CSNK1A1: variants seen among roughly 807,000 people sequenced by gnomAD.
The protein encoded by CSNK1A1 is casein kinase 1 alpha 1, also known as casein kinase I isoform alpha.
A neutral mutation model predicts 46.1 loss-of-function variants in CSNK1A1; 7 were observed. The observed-to-expected ratio is 0.15, with a 90% CI of 0.09 to 0.29. The LOEUF (loss-of-function observed/expected upper bound fraction) is 0.29, where lower values mean the gene tolerates loss of function less well. Among genes scored for constraint, CSNK1A1 ranks in the 10% least tolerant of loss-of-function variants. The pLI, the probability that CSNK1A1 is intolerant of heterozygous loss-of-function variation, is 1.00. For missense variants in CSNK1A1, 96 were observed against 417.1 expected (o/e 0.23, Z 6.71); for synonymous variants, 137 against 141.5 (o/e 0.97, Z 0.23).
chr5:149,502,168 A>G, intron 9 of CSNK1A1: 1 of 954,982 alleles, frequency 1.0e-6, no homozygotes, highest in Non-Finnish European at 1.2e-6. Flanking sequence ...TACTGAAGAA[A>G]TATCAGATAT....
At chr5:149,503,056 G>A in intron 9 of CSNK1A1, 1 of 984,852 alleles carries the variant, frequency 1.0e-6, no homozygotes, top group East Asian at 1.1e-4. Flanking sequence ...GTGAGCCACT[G>A]CACCCAGCTG....
In CSNK1A1 at chr5:149,495,744, T is replaced by TAAAAAAAAAAAA. The variant is rs149346325; in HGVS notation, c.*1097_*1108dup. ...TACTAGATATTGTGCCTGCAAGTCA[T>TAAAAAAAAAAAA]AAAAAAAAAAAAAAAAAAAGAAAAA... On this transcript the variant is annotated 3_prime_UTR_variant, in exon 10 of 10. Coordinates refer to ENST00000377843, the MANE Select transcript of CSNK1A1 (RefSeq NM_001892.6). The TAAAAAAAAAAAA allele has an allele frequency of 2.2e-5, 2 of 92,762 alleles. No homozygotes were observed. The highest frequency in any genetic ancestry group is 4.4e-5 in the Non-Finnish European group (2 of 45,086). The allele number at this position is 92,762 out of a possible 1,614,324, so 5.7% of individuals were successfully genotyped here. A position where few individuals can be genotyped will look rare whatever the true frequency, so the allele number is the denominator to read the frequency against.
At chr5:149,549,418 A>G in intron 2 of CSNK1A1, 1 of 700,112 alleles carries the variant, frequency 1.4e-6, no homozygotes, top group East Asian at 2.7e-5. Flanking sequence ...CAGAGATCAC[A>G]AACACTGTCA....
At chr5:149,526,187 G>A (rs958946380) in intron 2 of CSNK1A1, among the ~76,000 whole-genome samples, 5 of 152,020 alleles carry the variant, frequency 3.3e-5, no homozygotes, top group Non-Finnish European at 5.9e-5. Context: ...TTGCCAGGCT[G>A]GGGTGCAGTG....
intron 2 of CSNK1A1, among the ~76,000 whole-genome samples, chr5:149,529,011 C>T (rs965232918): frequency 1.3e-5 from 2 of 152,010 alleles, no homozygotes; most frequent in African/African-American, 4.8e-5. Flanking sequence ...ACTAAGTGTA[C>T]AGTGGTAAAG....
At position 149,498,923 on chromosome 5, in the gene CSNK1A1, TG is replaced by T. The variant is rs547264147; in HGVS notation, c.1007-2064del. The T allele has an allele frequency of 1.5e-3, 1,498 of 985,406 alleles. 1 individual carries two copies. Among genetic ancestry groups the T allele is most frequent in the Non-Finnish European group, 1.7e-3 (1,401 of 829,910 alleles). 61.0% of individuals were successfully genotyped at this position (985,406 alleles called of 1,614,324 possible). A position where few individuals can be genotyped will look rare whatever the true frequency, so the allele number is the denominator to read the frequency against. On this transcript the variant is annotated intron_variant, in intron 9 of 9. Transcript: ENST00000377843. ...TTTGACCTGTTATCTGAGGAATTGC[TG>T]AGTCAATAAATGATTACAATTGTTT...
Position 149,542,692 on chromosome 5 carries a change from A to ATT in CSNK1A1, c.230+7381_230+7382dup, listed in dbSNP as rs869143376. ...TATATGTATATATATATATATATATATTTTTTTTTTTTTTTTTTTTTGAGA... is the reference window on the plus strand; with the variant it reads ...TATATGTATATATATATATATATATATTTTTTTTTTTTTTTTTTTTTTTGAGA... On this transcript the variant is annotated intron_variant, in intron 2 of 9. Transcript: ENST00000377843. Among the ~76,000 whole-genome samples, 7 of 16,188 alleles carry ATT rather than the reference A, an allele frequency of 4.3e-4. 1 individual carries two copies. In the Admixed American group the frequency reaches 5.1e-3, roughly 12 times the overall value. The allele number at this position is 16,188 out of a possible 152,430, so 10.6% of individuals were successfully genotyped here.
chr5:149,533,053 AC>A (rs1397845296), intron 2 of CSNK1A1, among the ~76,000 whole-genome samples: 4 of 151,988 alleles, frequency 2.6e-5, no homozygotes, highest in African/African-American at 9.7e-5. Flanking sequence ...TTACAACATT[AC>A]CCCCAAGATC....
chr5:149,503,614 A>G, intron 9 of CSNK1A1: 2 of 985,242 alleles, frequency 2.0e-6, no homozygotes, highest in Non-Finnish European at 2.4e-6. Flanking sequence ...TAGCTACAAT[A>G]CAAAATAAGG....
At chr5:149,501,839 T>C (rs991841270) in intron 9 of CSNK1A1, 3 of 976,212 alleles carry the variant, frequency 3.1e-6, no homozygotes, top group Non-Finnish European at 3.7e-6. Flanking sequence ...AATACTTTTT[T>C]GATAATCACA....
At chr5:149,510,916 T>A (rs1237761253) in intron 6 of CSNK1A1, among the ~76,000 whole-genome samples, 1 of 152,114 alleles carries the variant, frequency 6.6e-6, no homozygotes, top group African/African-American at 2.4e-5. Context: ...AAACTAAAAA[T>A]ACTCATATTA....
intron 2 of CSNK1A1, among the ~76,000 whole-genome samples, chr5:149,540,721 CA>C (rs200343364): frequency 3.4e-5 from 5 of 148,712 alleles, no homozygotes; most frequent in African/African-American, 7.4e-5. Context: ...TGTGTGCATA[CA>C]AAAAAAAAAT....
At chr5:149,529,375 C>T (rs1024151962) in intron 2 of CSNK1A1, among the ~76,000 whole-genome samples, 5 of 152,150 alleles carry the variant, frequency 3.3e-5, no homozygotes, top group African/African-American at 9.7e-5. Flanking sequence ...TTCCTCTAAA[C>T]GCATATCCAA....
chr5:149,518,449 A>G (rs1761461896), intron 4 of CSNK1A1, among the ~76,000 whole-genome samples: 1 of 152,058 alleles, frequency 6.6e-6, no homozygotes, highest in South Asian at 2.1e-4. Context: ...TTTTTTCCCC[A>G]TGAATAGAAA....
chr5:149,551,257 C>G lies in CSNK1A1; in HGVS notation c.-293G>C. 1 of 291,564 alleles carries G rather than the reference C, an allele frequency of 3.4e-6. No homozygotes were observed. The highest frequency in any genetic ancestry group is 8.3e-5 in the East Asian group (1 of 11,988). The allele number at this position is 291,564 out of a possible 1,614,324, so 18.1% of individuals were successfully genotyped here. A position where few individuals can be genotyped will look rare whatever the true frequency, so the allele number is the denominator to read the frequency against. ...CTGCCTCGCTTGCGCGGCGACGTCG[C>G]GGGCTGGAAAAGGGGCGCGGTGAGC... is the stretch of plus-strand genomic sequence containing the variant. On this transcript the variant is annotated 5_prime_UTR_variant, in exon 1 of 10. Transcript: ENST00000377843.
At chr5:149,503,139 G>C (rs1473361201) in intron 9 of CSNK1A1, 1 of 985,316 alleles carries the variant, frequency 1.0e-6, no homozygotes, top group Non-Finnish European at 1.2e-6. Context: ...TTGTTACTTA[G>C]AGACTGGAAG....
chr5:149,498,050 T>A, intron 9 of CSNK1A1: 1 of 869,566 alleles, frequency 1.2e-6, no homozygotes, highest in Non-Finnish European at 1.4e-6. Context: ...GCCAGGCTGG[T>A]CTCAAACTCC....
chr5:149,541,158 G>GT (rs111502460), intron 2 of CSNK1A1, among the ~76,000 whole-genome samples: 52,797 of 141,116 alleles, frequency 0.37, 10,945 homozygotes, highest in African/African-American at 0.58. Context: ...AACCAATTTT[G>GT]TTTTTTTTTT....
At chr5:149,538,017 T>TTG (rs1406991384) in intron 2 of CSNK1A1, among the ~76,000 whole-genome samples, 2 of 134,656 alleles carry the variant, frequency 1.5e-5, no homozygotes, top group African/African-American at 5.9e-5. Flanking sequence ...GTGCCCAGTT[T>TTG]TTTTTTTTTT....
Sources: allele counts gnomAD v4.1 joint callset (sites outside exome capture counted in the v4.1 genomes callset), GRCh38; gene constraint gnomAD v4.1.1; transcripts MANE v1.5; gene names NCBI Gene and HGNC (gene_info 2026-07-23, HGNC 2026-07-21).